Variants in ZNF148 observed in about 807,000 individuals in gnomAD.
ZNF148 encodes the protein zinc finger protein 148, also known as Beta-Enolase Repressor Factor-1.
A neutral mutation model predicts 67.7 loss-of-function variants in ZNF148; 7 were observed. The observed-to-expected ratio is 0.10, with a 90% confidence interval of 0.06 to 0.19. The LOEUF (loss-of-function observed/expected upper bound fraction) is 0.19, where lower values mean the gene tolerates loss of function less well. Among genes scored for constraint, ZNF148 ranks in the 10% least tolerant of loss-of-function variants. The pLI is 1.00. For synonymous variants in ZNF148, 333 were observed against 330.7 expected (o/e 1.01, Z -0.08); for missense variants, 583 against 947.1 (o/e 0.62, Z 5.05).
intron 1 of ZNF148, among the ~76,000 whole-genome samples, chr3:125,340,699 C>T (rs919742651): frequency 1.3e-5 from 2 of 152,098 alleles, no homozygotes; most frequent in Non-Finnish European, 2.9e-5. Flanking sequence ...ATAAAATGTC[C>T]ATGATGGCCG....
At chr3:125,275,063 C>A (rs1200259898) in intron 7 of ZNF148, among the ~76,000 whole-genome samples, 1 of 152,010 alleles carries the variant, frequency 6.6e-6, no homozygotes, top group Non-Finnish European at 1.5e-5. Context: ...GATATATATT[C>A]CCAAATAGGT....
rs980132857 is a variant in ZNF148, at chr3:125,226,828, G to C, written c.*5513C>G. On this transcript the variant is annotated 3_prime_UTR_variant, in exon 9 of 9. Transcript: ENST00000360647. ...ACCAAATTTCAATTGTCAGGCTGCT[G>C]ACTACTGATGTAAAAGTTTATATTT... 4.6e-5 allele frequency: 7 copies of C among 152,208 alleles called. No individual in the cohort carries two copies. Among genetic ancestry groups the C allele is most frequent in the African/African-American group, 1.7e-4 (7 of 41,436 alleles). The allele number at this position is 152,208 out of a possible 1,614,324, so 9.4% of individuals were successfully genotyped here. A position where few individuals can be genotyped will look rare whatever the true frequency, so the allele number is the denominator to read the frequency against.
intron 4 of ZNF148, among the ~76,000 whole-genome samples, chr3:125,298,175 G>A (rs1015225308): frequency 1.3e-5 from 2 of 152,080 alleles, no homozygotes; most frequent in African/African-American, 2.4e-5. Flanking sequence ...GGAACTAGAG[G>A]AGTGCTGTGA....
chr3:125,237,174 C>T (rs6807163), intron 7 of ZNF148, among the ~76,000 whole-genome samples: 117,227 of 152,064 alleles, frequency 0.77, 45,726 homozygotes, highest in African/African-American at 0.85. Context: ...TGAATACCGC[C>T]GAAATGGTGC....
chr3:125,344,423 C>A, intron 1 of ZNF148: 1 of 765,976 alleles, frequency 1.3e-6, no homozygotes, highest in Non-Finnish European at 2.3e-6. Context: ...GACCCCATTC[C>A]AAAAAAAAGT....
intron 1 of ZNF148, among the ~76,000 whole-genome samples, chr3:125,373,060 G>A (rs1942942875): frequency 6.6e-6 from 1 of 151,964 alleles, no homozygotes; most frequent in Non-Finnish European, 1.5e-5. Flanking sequence ...TAAAAGAACA[G>A]ATAATATACA....
At chr3:125,297,482 G>C (rs1452062505) in intron 4 of ZNF148, among the ~76,000 whole-genome samples, 1 of 145,646 alleles carries the variant, frequency 6.9e-6, no homozygotes, top group East Asian at 1.9e-4. Flanking sequence ...AAAGTAAAAA[G>C]ACCCACCAGA....
Position 125,233,380 on chromosome 3 carries a change from T to G in ZNF148, c.1346A>C (p.Asn449Thr). The G allele has an allele frequency of 6.2e-7, 1 of 1,613,976 alleles. No individual in the cohort carries two copies. The highest frequency in any genetic ancestry group is 8.5e-7 in the Non-Finnish European group (1 of 1,179,932). Residue 449 changes from asparagine (N) to threonine (T), a missense_variant, in exon 9 of 9, where the codon AAT becomes ACT. Coordinates refer to ENST00000360647, the MANE Select transcript of ZNF148 (RefSeq NM_021964.3). This position sits in a 1 kb window ranked among gnomAD's most constrained non-coding sequence, Gnocchi z 5.1. ...AGGTTTACTGGGCCCCTCCTGCAAA[T>G]TATCAACCTGATCAATGTCAGCATT... ...EGNADIDQVD[N>T]LQEGPSKPVH...
intron 1 of ZNF148, among the ~76,000 whole-genome samples, chr3:125,348,867 G>A (rs1209051703): frequency 6.6e-6 from 1 of 152,104 alleles, no homozygotes; most frequent in African/African-American, 2.4e-5. Flanking sequence ...AAACAGTATG[G>A]TACTGGCATA....
chr3:125,358,535 T>G (rs1332182292), intron 1 of ZNF148, among the ~76,000 whole-genome samples: 8 of 152,226 alleles, frequency 5.3e-5, no homozygotes, highest in Non-Finnish European at 8.8e-5. Context: ...CCATCAAAGT[T>G]TGTGCATCTA....
intron 7 of ZNF148, among the ~76,000 whole-genome samples, chr3:125,253,117 T>G (rs111953119): frequency 3.9e-5 from 6 of 152,356 alleles, no homozygotes; most frequent in African/African-American, 1.4e-4. Context: ...TAGGATAGAC[T>G]AACATTAGTC....
In ZNF148 at chr3:125,232,701, G is replaced by C. The variant is rs1267176396; in HGVS notation, c.2025C>G (p.His675Gln). 6.2e-7 allele frequency: 1 copy of C among 1,613,762 alleles called. No individual in the cohort carries two copies. Among genetic ancestry groups the C allele is most frequent in the African/African-American group, 1.3e-5 (1 of 74,898 alleles). Residue 675 changes from histidine to glutamine, a missense_variant, in exon 9 of 9, where the codon CAC becomes CAG. Physicochemically the swap from His to Gln is conservative, Grantham distance 24. This residue lies in a region of ZNF148 where 158 missense variants were observed against 208.4 expected (regional missense o/e 0.76). Transcript: ENST00000360647. The surrounding 1 kb of genome is among the most constrained non-coding windows in gnomAD (Gnocchi z 4.2). ...GTGAATCACCAACTATTAGTCCAAA[G>C]TGGGACTTATCTGGAGTTGTTCTTA... ...SPLRTTPDKS[H>Q]FGLIVGDSQH...
At chr3:125,279,320 A>G in intron 5 of ZNF148, 73 bp from the exon 6 acceptor site, 1 of 1,257,060 alleles carries the variant, frequency 8.0e-7, no homozygotes. Flanking sequence ...AATTTTAAAA[A>G]AAAGATAATG....
intron 3 of ZNF148, among the ~76,000 whole-genome samples, chr3:125,318,080 A>T (rs79556955): frequency 2.0e-5 from 3 of 152,122 alleles, no homozygotes; most frequent in African/African-American, 7.2e-5. Flanking sequence ...ACAAAAAAAA[A>T]TACATTTTTA....
chr3:125,249,928 G>C (rs1936766643), intron 7 of ZNF148, among the ~76,000 whole-genome samples: 1 of 152,108 alleles, frequency 6.6e-6, no homozygotes, highest in Admixed American at 6.6e-5. Flanking sequence ...CAGACACAGA[G>C]AGACAAACAT....
At chr3:125,252,042 C>T (rs560831319) in intron 7 of ZNF148, among the ~76,000 whole-genome samples, 1 of 152,296 alleles carries the variant, frequency 6.6e-6, no homozygotes, top group East Asian at 1.9e-4. Context: ...GTTAATGAAG[C>T]TGAATACCTT....
chr3:125,239,166 T>C (rs1190943458), intron 7 of ZNF148, among the ~76,000 whole-genome samples: 1 of 152,216 alleles, frequency 6.6e-6, no homozygotes, highest in Non-Finnish European at 1.5e-5. Context: ...CACAACATTA[T>C]ATATGTACTT....
chr3:125,301,928 G>C (rs759162410), intron 4 of ZNF148, among the ~76,000 whole-genome samples: 3 of 152,118 alleles, frequency 2.0e-5, no homozygotes, highest in South Asian at 2.1e-4. Context: ...GCCAGGCATG[G>C]TGGCGGGCAT....
chr3:125,302,844 T>A (rs1043827694), intron 4 of ZNF148, among the ~76,000 whole-genome samples: 2 of 152,282 alleles, frequency 1.3e-5, no homozygotes, highest in Admixed American at 6.5e-5. Flanking sequence ...TGTATCTGGG[T>A]GATAGGGGTA....
Sources: gnomAD v4.1 joint callset for allele counts (sites outside exome capture counted in the v4.1 genomes callset) on GRCh38, gnomAD v4.1.1 for gene constraint, gnomAD v4.1.1 regional missense constraint, Gnocchi (gnomAD v3.1) non-coding constraint, MANE v1.5 for transcripts, NCBI Gene and HGNC (gene_info 2026-07-23, HGNC 2026-07-21) for gene names.